The following TRPS1 variants were observed in gnomAD, a reference collection of about 807,000 sequenced individuals.
TRPS1 encodes transcriptional repressor GATA binding 1.
A neutral mutation model predicts 101.2 loss-of-function variants in TRPS1; 6 were observed. That is an observed-to-expected ratio of 0.06 (90% confidence interval 0.03 to 0.12). TRPS1 has a LOEUF of 0.12. Ranked by LOEUF, TRPS1 falls within the 10% of genes least tolerant of loss-of-function variation. TRPS1 has a pLI of 1.00. For synonymous variants in TRPS1, 578 were observed against 589.8 expected (o/e 0.98, Z 0.29); for missense variants, 1,363 against 1,567.0 (o/e 0.87, Z 2.20).
chr8:115,513,815 T>C (rs541808038), intron 5 of TRPS1, among the ~76,000 whole-genome samples: 42 of 151,750 alleles, frequency 2.8e-4, no homozygotes, highest in Admixed American at 1.8e-3. Flanking sequence ...CACTCCTATA[T>C]TATAGGTGTC....
At chr8:115,650,635 C>T (rs1488028990) in intron 1 of TRPS1, among the ~76,000 whole-genome samples, 1 of 152,098 alleles carries the variant, frequency 6.6e-6, no homozygotes, top group Non-Finnish European at 1.5e-5. Context: ...TGTTCCCAGG[C>T]TTTTAAGATG....
At chr8:115,447,813 T>C (rs1239825786) in intron 5 of TRPS1, among the ~76,000 whole-genome samples, 1 of 152,180 alleles carries the variant, frequency 6.6e-6, no homozygotes, top group Non-Finnish European at 1.5e-5. Flanking sequence ...TGTCACCTAC[T>C]ATGAAATCAC....
intron 5 of TRPS1, among the ~76,000 whole-genome samples, chr8:115,449,045 T>C (rs180869603): frequency 6.9e-4 from 105 of 152,298 alleles, no homozygotes; most frequent in African/African-American, 2.4e-3. Context: ...AAAATAATAT[T>C]TGTTGATTTA....
Position 115,418,204 on chromosome 8 carries a change from G to T in TRPS1, c.2823+126C>A. ...ACCATAAATCACATGTGCACTCAAA[G>T]TGACTGTATTAAAACAACCCTGCGG... is the stretch of plus-strand genomic sequence containing the variant. On this transcript the variant is annotated intron_variant, in intron 6 of 6. Coordinates refer to ENST00000395715, the MANE Select transcript of TRPS1 (RefSeq NM_014112.5). The surrounding 1 kb of genome is among the most constrained non-coding windows in gnomAD (Gnocchi z 4.3). 6.6e-7 allele frequency: 1 copy of T among 1,508,588 alleles called. No homozygotes were observed. Among genetic ancestry groups the T allele is most frequent in the Non-Finnish European group, 9.2e-7 (1 of 1,090,424 alleles). The allele number at this position is 1,508,588 out of a possible 1,614,324, so 93.5% of individuals were successfully genotyped here. A position where few individuals can be genotyped will look rare whatever the true frequency, so the allele number is the denominator to read the frequency against.
At chr8:115,651,179 A>G (rs1811551268) in intron 1 of TRPS1, among the ~76,000 whole-genome samples, 1 of 152,222 alleles carries the variant, frequency 6.6e-6, no homozygotes, top group Non-Finnish European at 1.5e-5. Context: ...TCAGTAAAGT[A>G]CAAGGCTGCC....
intron 1 of TRPS1, among the ~76,000 whole-genome samples, chr8:115,630,805 A>C (rs1433011176): frequency 1.3e-5 from 2 of 152,176 alleles, no homozygotes; most frequent in South Asian, 2.1e-4. Flanking sequence ...CAGACCTAGC[A>C]CATGAACAAG....
intron 5 of TRPS1, among the ~76,000 whole-genome samples, chr8:115,486,737 A>C (rs943981676): frequency 6.6e-6 from 1 of 152,234 alleles, no homozygotes; most frequent in Non-Finnish European, 1.5e-5. Context: ...ATTCTCTTCA[A>C]TTCCATGAAG....
At chr8:115,442,556 T>C (rs537631899) in intron 5 of TRPS1, among the ~76,000 whole-genome samples, 5,323 of 151,226 alleles carry the variant, frequency 0.035, 349 homozygotes, top group African/African-American at 0.12. Flanking sequence ...GGTGCGTGTG[T>C]GTGTGTGTGT....
At chr8:115,654,368 TTTTC>T (rs1442199810) in intron 1 of TRPS1, among the ~76,000 whole-genome samples, 1 of 152,168 alleles carries the variant, frequency 6.6e-6, no homozygotes, top group Admixed American at 6.5e-5. Context: ...GTTCTTTTAT[TTTTC>T]TTTCATTAGT....
At chr8:115,540,626 C>T (rs1432803724) in intron 5 of TRPS1, among the ~76,000 whole-genome samples, 2 of 151,660 alleles carry the variant, frequency 1.3e-5, no homozygotes, top group Non-Finnish European at 2.9e-5. Context: ...ATGTAATCAC[C>T]ATTTAAATTA....
chr8:115,619,511 G>C lies in TRPS1; in HGVS notation c.587C>G (p.Ala196Gly), dbSNP rs1013920791. The C allele has an allele frequency of 6.2e-7, 1 of 1,614,112 alleles. No individual in the cohort carries two copies. The highest frequency in any genetic ancestry group is 2.2e-5 in the East Asian group (1 of 44,870). The part of the protein sequence containing the change: ...NCQGLSPVSV[A>G]SKNPQVPSDG... ...TGAAGGCACTTGTGGGTTTTTTGAG[G>C]CCACTGAAACTGGGCTCAAACCTTG... is the stretch of plus-strand genomic sequence containing the variant. The change falls in exon 3 of 7, where the codon GCC (alanine) becomes GGC (glycine). Residue 196 changes from alanine to glycine, a missense_variant. Coordinates refer to ENST00000395715, the MANE Select transcript of TRPS1 (RefSeq NM_014112.5).
intron 5 of TRPS1, among the ~76,000 whole-genome samples, chr8:115,463,745 AT>A (rs1814248303): frequency 6.6e-6 from 1 of 152,082 alleles, no homozygotes; most frequent in African/African-American, 2.4e-5. Context: ...ATAAATTAAT[AT>A]TTTGAAAGAG....
At chr8:115,566,339 C>T (rs1186913455) in intron 5 of TRPS1, among the ~76,000 whole-genome samples, 1 of 152,098 alleles carries the variant, frequency 6.6e-6, no homozygotes, top group Non-Finnish European at 1.5e-5. Context: ...TTCAAGCCTG[C>T]AGCAACAAGA....
chr8:115,604,834 G>C lies in TRPS1; in HGVS notation c.1135C>G (p.Leu379Val). 1 of 1,614,096 alleles carries C rather than the reference G, an allele frequency of 6.2e-7. No individual in the cohort carries two copies. Among genetic ancestry groups the C allele is most frequent in the Non-Finnish European group, 8.5e-7 (1 of 1,179,992 alleles). Residue 379 changes from leucine (L) to valine (V), a missense_variant, in exon 4 of 7, where the codon CTC becomes GTC. By Grantham distance (32) the Leu-to-Val change is conservative (BLOSUM62 1). Around this residue, in one of 5 missense-constraint regions of TRPS1, gnomAD observed 1,020 missense variants for 1,073.0 expected, o/e 0.95. Coordinates refer to ENST00000395715, the MANE Select transcript of TRPS1 (RefSeq NM_014112.5). This position sits in a 1 kb window ranked among gnomAD's most constrained non-coding sequence, Gnocchi z 4.1. ...GGTTTTGCAACCTCAGAGGAGGGGA[G>C]AGAAGCTTTTATTTTGTTTGGGTGA... Reference protein sequence around the residue: ...QTHPNKIKASLPSSEVAKPSE... With the variant: ...QTHPNKIKASVPSSEVAKPSE...
At chr8:115,542,594 G>C (rs1245356705) in intron 5 of TRPS1, among the ~76,000 whole-genome samples, 1 of 152,094 alleles carries the variant, frequency 6.6e-6, no homozygotes, top group Non-Finnish European at 1.5e-5. Flanking sequence ...ATTTAGGGCT[G>C]TGGAAAAGGA....
intron 5 of TRPS1, among the ~76,000 whole-genome samples, chr8:115,420,439 T>G (rs1394567999): frequency 6.6e-6 from 1 of 152,206 alleles, no homozygotes; most frequent in Admixed American, 6.5e-5. Context: ...TGTTTGCAAA[T>G]AAACACCAAC....
intron 5 of TRPS1, among the ~76,000 whole-genome samples, chr8:115,585,632 T>C (rs576475032): frequency 4.6e-5 from 7 of 152,240 alleles, no homozygotes; most frequent in Admixed American, 1.3e-4. Flanking sequence ...ATATTGACAA[T>C]GATAAAAATG....
chr8:115,452,396 C>T (rs1813896806), intron 5 of TRPS1, among the ~76,000 whole-genome samples: 1 of 152,094 alleles, frequency 6.6e-6, no homozygotes, highest in African/African-American at 2.4e-5. Flanking sequence ...CAGATGTTAT[C>T]ATTTTACTGG....
rs1192635959 is a variant in TRPS1 at position 115,641,274 on chromosome 8, CCA to C, written c.-121-17518_-121-17517del. Among the ~76,000 whole-genome samples, 15 of 152,304 alleles carry C rather than the reference CCA, an allele frequency of 9.8e-5. No individual in the cohort carries two copies. In the East Asian group the frequency reaches 2.9e-3, roughly 29 times the overall value. ...CTGTGACATGTACTCTTTCTTGTAA[CCA>C]GGGATTTTAGCTTCACAAAATTTAG... is the stretch of plus-strand genomic sequence containing the variant. On this transcript the variant is annotated intron_variant, in intron 1 of 6. Coordinates refer to ENST00000395715, the MANE Select transcript of TRPS1 (RefSeq NM_014112.5).
Sources: allele counts gnomAD v4.1 joint callset (sites outside exome capture counted in the v4.1 genomes callset), GRCh38; gene constraint gnomAD v4.1.1; regional missense constraint gnomAD v4.1.1; non-coding constraint Gnocchi (gnomAD v3.1); transcripts MANE v1.5; gene names NCBI Gene and HGNC (gene_info 2026-07-23, HGNC 2026-07-21).